The following SPAG16 variants were observed in gnomAD, a reference collection of about 807,000 sequenced individuals.
The protein encoded by SPAG16 is sperm associated antigen 16, also known as sperm-associated antigen 16 protein.
In SPAG16, 86 loss-of-function variants were observed where a neutral mutation model predicts 80.4. That is an observed-to-expected ratio of 1.07 (90% CI 0.90 to 1.28). SPAG16 has a LOEUF of 1.28. Among genes scored for constraint, SPAG16 ranks in the 50% most tolerant of loss-of-function variants. The pLI, the probability that SPAG16 is intolerant of heterozygous loss-of-function variation, is 0.00. For synonymous variants in SPAG16, 294 were observed against 265.9 expected, an observed-to-expected ratio of 1.11 and a Z score of -1.03; for missense variants, 870 against 765.3, an observed-to-expected ratio of 1.14 and a Z score of -1.61.
At chr2:214,150,794 T>C (rs1450650331) in intron 15 of SPAG16, among the ~76,000 whole-genome samples, 1 of 151,572 alleles carries the variant, frequency 6.6e-6, no homozygotes, top group East Asian at 1.9e-4. Flanking sequence ...TTGCCATCCT[T>C]GTCATCCAGC....
chr2:213,918,663 G>T (rs2078076051), intron 11 of SPAG16, among the ~76,000 whole-genome samples: 2 of 152,254 alleles, frequency 1.3e-5, no homozygotes, highest in Admixed American at 1.3e-4. Context: ...CTTCCACCAT[G>T]ACTGTGAGGC....
At chr2:213,608,972 C>T (rs943397606) in intron 10 of SPAG16, among the ~76,000 whole-genome samples, 2 of 152,092 alleles carry the variant, frequency 1.3e-5, no homozygotes, top group South Asian at 2.1e-4. Context: ...CGTGAGCCAT[C>T]GCACCCAGCT....
At chr2:213,932,699 A>G (rs1190493265) in intron 12 of SPAG16, among the ~76,000 whole-genome samples, 1 of 152,172 alleles carries the variant, frequency 6.6e-6, no homozygotes, top group Non-Finnish European at 1.5e-5. Flanking sequence ...AATACTTGGT[A>G]AGACCATCCA....
Position 213,495,974 on chromosome 2 carries a change from G to A in SPAG16, c.1070+5884G>A, listed in dbSNP as rs562937217. On this transcript the variant is annotated intron_variant, in intron 10 of 15. Transcript: ENST00000331683. ...GTGACTTAGGGCCTTATAAATCATG[G>A]TAAAGAGGACTTTGAATTTTAATCT... 5.1e-4 allele frequency among the ~76,000 whole-genome samples: 77 copies of A among 152,278 alleles called. 2 individuals are homozygous for A. The South Asian group carries it at 0.016, about 31-fold the overall frequency.
intron 5 of SPAG16, among the ~76,000 whole-genome samples, chr2:213,329,478 A>C (rs938495582): frequency 6.6e-6 from 1 of 152,170 alleles, no homozygotes; most frequent in Non-Finnish European, 1.5e-5. Flanking sequence ...TGTCCTAGAG[A>C]TTTGTGGAAC....
chr2:213,765,242 G>A (rs1434694180), intron 10 of SPAG16, among the ~76,000 whole-genome samples: 2 of 152,102 alleles, frequency 1.3e-5, no homozygotes, highest in African/African-American at 2.4e-5. Context: ...GGTGGTGCAT[G>A]TCTGTAATCC....
At chr2:214,259,399 ATATAAT>A (rs1690952825) in intron 15 of SPAG16, among the ~76,000 whole-genome samples, 1 of 150,004 alleles carries the variant, frequency 6.7e-6, no homozygotes, top group Non-Finnish European at 1.5e-5. Flanking sequence ...TATCTACACT[ATATAAT>A]TATATATGTA....
chr2:213,960,101 A>G (rs1157248887), intron 12 of SPAG16, among the ~76,000 whole-genome samples: 1 of 152,046 alleles, frequency 6.6e-6, no homozygotes, highest in African/African-American at 2.4e-5. Context: ...CAAGTTTTAT[A>G]ATTTCCAATA....
chr2:213,926,999 C>G (rs919087178), intron 11 of SPAG16, among the ~76,000 whole-genome samples: 1 of 152,222 alleles, frequency 6.6e-6, no homozygotes, highest in African/African-American at 2.4e-5. Context: ...ATTTCTCACA[C>G]TCCTGGAGCC....
intron 11 of SPAG16, among the ~76,000 whole-genome samples, chr2:213,928,849 A>C (rs2078614685): frequency 1.3e-5 from 2 of 151,624 alleles, no homozygotes; most frequent in Admixed American, 1.3e-4. Flanking sequence ...AAAAGCATGC[A>C]ATGCAGAAGG....
chr2:214,387,111 A>G (rs1700804937), intron 15 of SPAG16, among the ~76,000 whole-genome samples: 1 of 152,012 alleles, frequency 6.6e-6, no homozygotes, highest in Admixed American at 6.6e-5. Context: ...TTCCTTTTAT[A>G]TTTTAAGATT....
At chr2:213,800,476 C>T (rs1374147409) in intron 10 of SPAG16, among the ~76,000 whole-genome samples, 1 of 152,004 alleles carries the variant, frequency 6.6e-6, no homozygotes, top group Non-Finnish European at 1.5e-5. Context: ...GAGCGATCCT[C>T]CCACCTTAGC....
chr2:213,399,062 A>ATATTTT (rs2068189539), intron 9 of SPAG16, among the ~76,000 whole-genome samples: 3 of 152,120 alleles, frequency 2.0e-5, no homozygotes, highest in Non-Finnish European at 2.9e-5. Flanking sequence ...AAGTAGTATC[A>ATATTTT]TCTGTGAAAA....
At chr2:214,142,695 A>G (rs1330023701) in intron 14 of SPAG16, among the ~76,000 whole-genome samples, 1 of 152,178 alleles carries the variant, frequency 6.6e-6, no homozygotes, top group Non-Finnish European at 1.5e-5. Context: ...GTAAAGGTCC[A>G]GGTGGCAAGA....
chr2:213,563,198 A>G (rs1329864048), intron 10 of SPAG16, among the ~76,000 whole-genome samples: 1 of 152,178 alleles, frequency 6.6e-6, no homozygotes, highest in African/African-American at 2.4e-5. Context: ...ATTCATAATT[A>G]TAGTTTTACT....
intron 12 of SPAG16, among the ~76,000 whole-genome samples, chr2:213,986,131 A>C (rs7597983): frequency 0.55 from 84,220 of 151,858 alleles, 25,018 homozygotes; most frequent in South Asian, 0.77. Flanking sequence ...AGAGACTTTG[A>C]CTTTTCTAGG....
intron 10 of SPAG16, among the ~76,000 whole-genome samples, chr2:213,783,002 G>T (rs7557238): frequency 6.6e-6 from 1 of 151,198 alleles, no homozygotes; most frequent in African/African-American, 2.4e-5. Flanking sequence ...ACCCACTAAC[G>T]TGTCATCTAG....
At chr2:214,104,841 C>T (rs2053294186) in intron 13 of SPAG16, among the ~76,000 whole-genome samples, 1 of 152,028 alleles carries the variant, frequency 6.6e-6, no homozygotes, top group South Asian at 2.1e-4. Flanking sequence ...GGAGCTAGCA[C>T]AGCAGCCAGG....
rs763819984 is a variant in SPAG16, at chr2:213,778,022, A to G, written c.1071-84463A>G. ...TAATAAATTTCTTAGGAAAGGTGCT[A>G]GATAATAAATTTCTGGATATGTAAA... On this transcript the variant is annotated intron_variant, in intron 10 of 15. Transcript: ENST00000331683. Among the ~76,000 whole-genome samples, 69 of 152,168 alleles carry G rather than the reference A, an allele frequency of 4.5e-4. 1 individual carries two copies. The highest frequency in any genetic ancestry group is 5.7e-4 in the Non-Finnish European group (39 of 68,032).
Sources: gnomAD v4.1 joint callset for allele counts (sites outside exome capture counted in the v4.1 genomes callset) on GRCh38, gnomAD v4.1.1 for gene constraint, MANE v1.5 for transcripts, NCBI Gene and HGNC (gene_info 2026-07-23, HGNC 2026-07-21) for gene names.